Variants in CYFIP1 observed in about 807,000 individuals in gnomAD.
The protein encoded by CYFIP1 is cytoplasmic FMR1-interacting protein 1.
CYFIP1 carries 58 observed loss-of-function variants against 163.5 expected under a neutral mutation model. That is an observed-to-expected ratio of 0.35 (90% CI 0.29 to 0.44). CYFIP1 has a LOEUF of 0.44. Among genes scored for constraint, CYFIP1 ranks in the 20% least tolerant of loss-of-function variants. The pLI is 1.00. For synonymous variants in CYFIP1, 663 were observed against 660.7 expected, an observed-to-expected ratio of 1.00 and a Z score of -0.05; for missense variants, 1,338 against 1,653.8, an observed-to-expected ratio of 0.81 and a Z score of 3.31.
chr15:22,910,835 G>A lies in CYFIP1; in HGVS notation c.2083-22C>T, dbSNP rs923442582. 9.4e-6 allele frequency: 15 copies of A among 1,597,460 alleles called. 1 individual carries two copies. The highest frequency in any genetic ancestry group is 6.7e-5 in the African/African-American group (5 of 74,470). ...TCACCTGAAGAAAAAGAAAGCACAC[G>A]TTACAGTTTGATTCCCTAAAGCAAG... On this transcript the variant is annotated intron_variant, in intron 18 of 30. Coordinates refer to ENST00000617928, the MANE Select transcript of CYFIP1 (RefSeq NM_014608.6).
intron 22 of CYFIP1, 39 bp downstream of exon 22, chr15:22,903,667 C>G: frequency 6.2e-7 from 1 of 1,607,324 alleles, no homozygotes; most frequent in Non-Finnish European, 8.5e-7. Flanking sequence ...GGTCCCTGAG[C>G]GCCTCGCCTG....
intron 23 of CYFIP1, among the ~76,000 whole-genome samples, chr15:22,885,836 C>T (rs2059912770): frequency 6.6e-6 from 1 of 152,204 alleles, no homozygotes; most frequent in Admixed American, 6.5e-5. Context: ...CTGTTCCAAC[C>T]TCTGCCTGTT....
Position 22,869,765 on chromosome 15 carries a change from A to G in CYFIP1, c.*263T>C, listed in dbSNP as rs2059370058. The G allele has an allele frequency of 3.2e-6, 1 of 310,086 alleles. No individual in the cohort carries two copies. Among genetic ancestry groups the G allele is most frequent in the African/African-American group, 2.2e-5 (1 of 46,264 alleles). The allele number at this position is 310,086 out of a possible 1,614,324, so 19.2% of individuals were successfully genotyped here. On this transcript the variant is annotated 3_prime_UTR_variant, in exon 31 of 31. Coordinates refer to ENST00000617928, the MANE Select transcript of CYFIP1 (RefSeq NM_014608.6). Reference sequence around the variant, plus strand: ...AGCAGCATTTTATGACACAGCTGCCAGAACATCCCATAGAAAAACAATTTT... The same window carrying G: ...AGCAGCATTTTATGACACAGCTGCCGGAACATCCCATAGAAAAACAATTTT...
chr15:22,914,451 G>C (rs573363238), intron 17 of CYFIP1, among the ~76,000 whole-genome samples: 1 of 151,318 alleles, frequency 6.6e-6, no homozygotes, highest in East Asian at 1.9e-4. Flanking sequence ...TTTGGAGACA[G>C]GGTCTTGCTA....
chr15:22,901,701 G>C (rs901219654), intron 22 of CYFIP1, among the ~76,000 whole-genome samples: 1 of 152,218 alleles, frequency 6.6e-6, no homozygotes, highest in Non-Finnish European at 1.5e-5. Context: ...GCCAGGCAAC[G>C]AGCAAAGTCC....
rs774459842 is a variant in CYFIP1, at chr15:22,881,941, C to G, written c.2821-5G>C. The stretch of plus-strand genomic sequence containing the variant: ...CTGCAGGATTGTGCCTTGCAGCTGC[C>G]GGGGAGATGAGACGGGCTGCGTCAG... On this transcript the variant is annotated splice_polypyrimidine_tract_variant and splice_region_variant and intron_variant, in intron 24 of 30. Transcript: ENST00000617928. 6.8e-6 allele frequency: 11 copies of G among 1,611,236 alleles called. No homozygotes were observed. The highest frequency in any genetic ancestry group is 9.3e-6 in the Non-Finnish European group (11 of 1,179,752).
chr15:22,877,136 G>A (rs938571743), intron 26 of CYFIP1, among the ~76,000 whole-genome samples: 1 of 152,204 alleles, frequency 6.6e-6, no homozygotes, highest in Non-Finnish European at 1.5e-5. Context: ...GGTCCGAGAG[G>A]TGATGGATTT....
At chr15:22,883,190 A>G (rs1178792911) in intron 23 of CYFIP1, among the ~76,000 whole-genome samples, 179 bp from the exon 24 acceptor site, 1 of 152,200 alleles carries the variant, frequency 6.6e-6, no homozygotes, top group Non-Finnish European at 1.5e-5. Flanking sequence ...CTGCCACCAA[A>G]AAGAAACCTG....
chr15:22,888,797 T>A (rs1382142892), intron 23 of CYFIP1, among the ~76,000 whole-genome samples: 1 of 151,564 alleles, frequency 6.6e-6, no homozygotes, highest in African/African-American at 2.4e-5. Flanking sequence ...TCCCAGCACT[T>A]TGGGAGGCTG....
chr15:22,880,258 G>A (rs1203656301), intron 25 of CYFIP1, among the ~76,000 whole-genome samples: 1 of 152,216 alleles, frequency 6.6e-6, no homozygotes, highest in Non-Finnish European at 1.5e-5. Flanking sequence ...CCGGGCCTTG[G>A]CTCTGAAGCC....
At chr15:22,929,765 C>T (rs1595630805) in intron 11 of CYFIP1, among the ~76,000 whole-genome samples, 2 of 146,162 alleles carry the variant, frequency 1.4e-5, no homozygotes, top group African/African-American at 5.1e-5. Context: ...GAAACCCCAT[C>T]TCTACTAAAA....
At chr15:22,931,686 G>GA (rs766177290) in intron 11 of CYFIP1, among the ~76,000 whole-genome samples, 9,212 of 39,476 alleles carry the variant, frequency 0.23, 1,357 homozygotes, top group Admixed American at 0.29. Context: ...ATGTTTTTCT[G>GA]AAAAAAAAAA....
chr15:22,945,729 C>T (rs1034181079), intron 3 of CYFIP1, among the ~76,000 whole-genome samples: 3 of 150,868 alleles, frequency 2.0e-5, no homozygotes, highest in Non-Finnish European at 3.0e-5. Flanking sequence ...GTGCGCACCA[C>T]CATGCCTGGT....
At chr15:22,919,258 T>C (rs1342864109) in intron 13 of CYFIP1, among the ~76,000 whole-genome samples, 1 of 152,168 alleles carries the variant, frequency 6.6e-6, no homozygotes, top group Non-Finnish European at 1.5e-5. Context: ...CGCAGTGAAC[T>C]ACCATTCACA....
intron 20 of CYFIP1, 36 bp from the exon 21 acceptor site, chr15:22,909,349 G>C (rs747623494): frequency 1.2e-6 from 2 of 1,607,022 alleles, no homozygotes; most frequent in Non-Finnish European, 1.7e-6. Flanking sequence ...GGTAAAGAGT[G>C]GACATGAGCA....
At chr15:22,964,798 G>A (rs1430692812) in intron 1 of CYFIP1, among the ~76,000 whole-genome samples, 2 of 152,182 alleles carry the variant, frequency 1.3e-5, no homozygotes, top group Non-Finnish European at 2.9e-5. Context: ...CCGAGAAACG[G>A]CAGGAGATGG....
chr15:22,883,307 G>A (rs372511744), intron 23 of CYFIP1, among the ~76,000 whole-genome samples: 1 of 152,200 alleles, frequency 6.6e-6, no homozygotes, highest in African/African-American at 2.4e-5. Flanking sequence ...ATACGACCCA[G>A]AGTTTCCCCC....
At chr15:22,977,994 A>G (rs1366649585) in intron 1 of CYFIP1, among the ~76,000 whole-genome samples, 1 of 152,114 alleles carries the variant, frequency 6.6e-6, no homozygotes, top group African/African-American at 2.4e-5. Flanking sequence ...GAAAAACAGT[A>G]AATAACTATA....
intron 30 of CYFIP1, chr15:22,872,610 T>A: frequency 1.9e-6 from 1 of 533,738 alleles, no homozygotes; most frequent in Non-Finnish European, 3.3e-6. Flanking sequence ...TCTAAGTACC[T>A]TGAGAAGGAA....
Sources: gnomAD v4.1 joint callset for allele counts (sites outside exome capture counted in the v4.1 genomes callset) on GRCh38, gnomAD v4.1.1 for gene constraint, MANE v1.5 for transcripts, NCBI Gene and HGNC (gene_info 2026-07-23, HGNC 2026-07-21) for gene names.